Variants in FHOD3 observed in about 807,000 individuals in gnomAD.
FHOD3 encodes formin homology 2 domain containing 3.
Under a neutral mutation model 173.0 loss-of-function variants are expected in FHOD3, and 90 were observed. The observed-to-expected ratio is 0.52, with a 90% CI of 0.44 to 0.62. The LOEUF (loss-of-function observed/expected upper bound fraction) is 0.62, where lower values mean the gene tolerates loss of function less well. FHOD3 is among the 20% of genes least tolerant of loss of function. FHOD3 has a pLI of 0.00. For synonymous variants in FHOD3, 828 were observed against 823.0 expected (o/e 1.01, Z -0.10); for missense variants, 1,945 against 2,034.7 (o/e 0.96, Z 0.85).
At chr18:36,564,824 G>A (rs1483486724) in intron 5 of FHOD3, among the ~76,000 whole-genome samples, 1 of 151,976 alleles carries the variant, frequency 6.6e-6, no homozygotes. Flanking sequence ...AACTTTTTTG[G>A]GGGACCTTTT....
intron 3 of FHOD3, among the ~76,000 whole-genome samples, chr18:36,389,888 G>C (rs960125222): frequency 6.6e-6 from 1 of 152,112 alleles, no homozygotes; most frequent in Admixed American, 6.5e-5. Flanking sequence ...CCTATTCTGA[G>C]GACCCTCAAG....
At chr18:36,487,153 G>A (rs538767418) in intron 3 of FHOD3, among the ~76,000 whole-genome samples, 242 of 152,202 alleles carry the variant, frequency 1.6e-3, no homozygotes, top group African/African-American at 5.5e-3. Flanking sequence ...ATTTTCCTTG[G>A]GGAAAGTCCT....
chr18:36,452,818 GTA>G (rs1321117600), intron 3 of FHOD3, among the ~76,000 whole-genome samples: 1 of 151,768 alleles, frequency 6.6e-6, no homozygotes, highest in Non-Finnish European at 1.5e-5. Flanking sequence ...GTGTGTATGT[GTA>G]TATATATGTG....
At chr18:36,655,782 G>A (rs898403491) in intron 13 of FHOD3, among the ~76,000 whole-genome samples, 2 of 151,070 alleles carry the variant, frequency 1.3e-5, no homozygotes, top group African/African-American at 4.9e-5. Flanking sequence ...CAAAAATGCT[G>A]AATAGTGAGT....
chr18:36,724,301 A>G (rs566528691), intron 19 of FHOD3, among the ~76,000 whole-genome samples: 1 of 152,230 alleles, frequency 6.6e-6, no homozygotes, highest in East Asian at 1.9e-4. Context: ...TCCTATTACC[A>G]TGTGTGACTT....
At chr18:36,491,447 C>T (rs890063032) in intron 3 of FHOD3, among the ~76,000 whole-genome samples, 5 of 152,164 alleles carry the variant, frequency 3.3e-5, no homozygotes, top group Non-Finnish European at 7.3e-5. Flanking sequence ...CATTAAGGTT[C>T]ACTCTTTATG....
chr18:36,725,288 T>C (rs944630422), intron 19 of FHOD3, among the ~76,000 whole-genome samples: 1 of 152,184 alleles, frequency 6.6e-6, no homozygotes, highest in Non-Finnish European at 1.5e-5. Flanking sequence ...TGACCATGGG[T>C]GTTGGGGGCA....
chr18:36,428,302 G>A (rs9959445), intron 3 of FHOD3, among the ~76,000 whole-genome samples: 2,687 of 152,290 alleles, frequency 0.018, 82 homozygotes, highest in African/African-American at 0.059. Flanking sequence ...TTCTAAAGTG[G>A]TAGGTATGTC....
rs545223693 is a variant in FHOD3, at chr18:36,730,679, A to G, written c.3451A>G (p.Ile1151Val). ...TAADGKRQEI[I>V]VLDSKRSNAI... Reference sequence around the variant, plus strand: ...TGCAGATGGAAAAAGGCAAGAGATCATTGTTCTGGATTCCAAGAGGAGTAA... The same window carrying G: ...TGCAGATGGAAAAAGGCAAGAGATCGTTGTTCTGGATTCCAAGAGGAGTAA... The change falls in exon 20 of 29, where the codon ATT becomes GTT. Residue 1151 changes from isoleucine (I) to valine (V), a missense_variant. Coordinates refer to ENST00000590592, the MANE Select transcript of FHOD3 (RefSeq NM_001281740.3). The G allele has an allele frequency of 6.2e-7, 1 of 1,613,956 alleles. No homozygotes were observed. The highest frequency in any genetic ancestry group is 2.2e-5 in the East Asian group (1 of 44,888).
intron 3 of FHOD3, among the ~76,000 whole-genome samples, chr18:36,389,761 C>A (rs907111963): frequency 6.6e-6 from 1 of 152,160 alleles, no homozygotes; most frequent in Non-Finnish European, 1.5e-5. Flanking sequence ...CCTCAGATCC[C>A]CAGGAGGACA....
intron 1 of FHOD3, among the ~76,000 whole-genome samples, chr18:36,320,700 A>G (rs1266249341): frequency 6.6e-6 from 1 of 152,198 alleles, no homozygotes; most frequent in African/African-American, 2.4e-5. Context: ...GGTTCCTGGT[A>G]TATCTTTCTG....
intron 3 of FHOD3, among the ~76,000 whole-genome samples, chr18:36,490,232 G>A (rs1599358740): frequency 6.6e-6 from 1 of 152,132 alleles, no homozygotes; most frequent in East Asian, 1.9e-4. Flanking sequence ...CTATTAAGTG[G>A]CCTTCATCAG....
Position 36,380,573 on chromosome 18 carries a change from TTTTCTTTTCCTTTCCTTTCCTTTCC to T in FHOD3, c.337+7834_337+7858del, listed in dbSNP as rs1369022267. ...TTTTGTTTTCTTTTCTTTTCTTTTC[TTTTCTTTTCCTTTCCTTTCCTTTCC>T]TTTCCTTTCCTTTCCTTTCCTTTCC... On this transcript the variant is annotated intron_variant, in intron 3 of 28. Coordinates refer to ENST00000590592, the MANE Select transcript of FHOD3 (RefSeq NM_001281740.3). Among the ~76,000 whole-genome samples, 48 of 80,048 alleles carry T rather than the reference TTTTCTTTTCCTTTCCTTTCCTTTCC, an allele frequency of 6.0e-4. No homozygotes were observed. In the East Asian group the frequency reaches 0.012, roughly 20 times the overall value. The allele number at this position is 80,048 out of a possible 152,430, so 52.5% of individuals were successfully genotyped here.
intron 15 of FHOD3, among the ~76,000 whole-genome samples, chr18:36,686,351 G>C (rs1341550576): frequency 2.0e-5 from 3 of 151,634 alleles, no homozygotes; most frequent in Non-Finnish European, 4.4e-5. Flanking sequence ...ACTAATGCAG[G>C]AACAGAAAAC....
chr18:36,542,465 A>T (rs1274152630), intron 5 of FHOD3, among the ~76,000 whole-genome samples: 1 of 152,204 alleles, frequency 6.6e-6, no homozygotes, highest in Non-Finnish European at 1.5e-5. Flanking sequence ...AAAAAATTAA[A>T]GGAAAGGCCA....
At position 36,740,988 on chromosome 18, in the gene FHOD3, A is replaced by G. The variant is rs555472631; in HGVS notation, c.3759+150A>G. ...CAATGAGGAGGTCGTGTGTACACCA[A>G]GTGATCAGCAGCTGGCCAATGAAGG... On this transcript the variant is annotated intron_variant, in intron 21 of 28. Coordinates refer to ENST00000590592, the MANE Select transcript of FHOD3 (RefSeq NM_001281740.3). 67 of 708,692 alleles carry G rather than the reference A, an allele frequency of 9.5e-5. 2 individuals carry two copies. In the South Asian group the frequency reaches 2.0e-3, roughly 22 times the overall value. 43.9% of individuals were successfully genotyped at this position (708,692 alleles called of 1,614,324 possible).
At chr18:36,743,919 C>A in intron 22 of FHOD3, 113 bp from the exon 23 acceptor site, 3 of 1,209,804 alleles carry the variant, frequency 2.5e-6, no homozygotes, top group Non-Finnish European at 3.6e-6. Context: ...GGAGCTTCAG[C>A]CACAGAGAAA....
chr18:36,513,487 G>A (rs1025097014), intron 5 of FHOD3, among the ~76,000 whole-genome samples: 4 of 152,146 alleles, frequency 2.6e-5, no homozygotes, highest in Admixed American at 6.5e-5. Flanking sequence ...CATGTTCAGC[G>A]CTTGTAGGAG....
At chr18:36,690,413 G>T (rs1285910711) in intron 16 of FHOD3, among the ~76,000 whole-genome samples, 2 of 152,134 alleles carry the variant, frequency 1.3e-5, no homozygotes, top group Non-Finnish European at 2.9e-5. Flanking sequence ...GTGTGGCTTC[G>T]CATGGCAGCA....
Sources: allele counts gnomAD v4.1 joint callset (sites outside exome capture counted in the v4.1 genomes callset), GRCh38; gene constraint gnomAD v4.1.1; transcripts MANE v1.5; gene names NCBI Gene and HGNC (gene_info 2026-07-23, HGNC 2026-07-21).